The following CAB39L variants were observed in gnomAD, a reference collection of about 807,000 sequenced individuals.
CAB39L encodes the protein calcium-binding protein 39-like.
Under a neutral mutation model 39.1 loss-of-function variants are expected in CAB39L, and 23 were observed. The observed-to-expected ratio is 0.59, with a 90% CI of 0.42 to 0.83. The LOEUF (loss-of-function observed/expected upper bound fraction) is 0.83. Among genes scored for constraint, CAB39L ranks in the 40% least tolerant of loss-of-function variants. CAB39L has a pLI of 0.00. For synonymous variants in CAB39L, 126 were observed against 137.2 expected (o/e 0.92, Z 0.57); for missense variants, 366 against 391.9 (o/e 0.93, Z 0.56).
At chr13:49,436,254 C>G (rs1957411189) in intron 1 of CAB39L, among the ~76,000 whole-genome samples, 3 of 152,154 alleles carry the variant, frequency 2.0e-5, no homozygotes, top group Admixed American at 2.0e-4. Context: ...ACTGACCATT[C>G]TGGATCAATT....
chr13:49,312,419 C>A (rs4942814), intron 10 of CAB39L, among the ~76,000 whole-genome samples: 151,979 of 152,306 alleles, frequency 1, 75,826 homozygotes, highest in Middle Eastern at 1. Flanking sequence ...TTTATGCCAT[C>A]TTGTTACTGT....
chr13:49,350,401 A>G (rs186789035), intron 7 of CAB39L, among the ~76,000 whole-genome samples: 197 of 152,332 alleles, frequency 1.3e-3, no homozygotes, highest in African/African-American at 4.6e-3. Context: ...TATTCAGTGC[A>G]TATGTACCTT....
At chr13:49,431,933 A>C (rs1957331865) in intron 3 of CAB39L, among the ~76,000 whole-genome samples, 1 of 152,150 alleles carries the variant, frequency 6.6e-6, no homozygotes, top group South Asian at 2.1e-4. Context: ...TCATAAAGTG[A>C]CATACTACTT....
chr13:49,411,410 G>GA (rs760826107), intron 3 of CAB39L, among the ~76,000 whole-genome samples: 37,716 of 101,928 alleles, frequency 0.37, 6,392 homozygotes, highest in Middle Eastern at 0.54. Flanking sequence ...ACTCTCCTGA[G>GA]AAAAAAAAAA....
At chr13:49,424,145 C>T (rs1957212226) in intron 3 of CAB39L, among the ~76,000 whole-genome samples, 1 of 152,200 alleles carries the variant, frequency 6.6e-6, no homozygotes, top group African/African-American at 2.4e-5. Flanking sequence ...TAGATCGTGA[C>T]TTCTTTCCAG....
At chr13:49,432,235 G>GGTGTGA (rs1237290897) in intron 3 of CAB39L, among the ~76,000 whole-genome samples, 1 of 151,974 alleles carries the variant, frequency 6.6e-6, no homozygotes, top group Non-Finnish European at 1.5e-5. Context: ...GCTCACTGCA[G>GGTGTGA]CCTTGACCCC....
rs534308391 is a variant in CAB39L at position 49,420,810 on chromosome 13, T to C, written c.-32+12508A>G. ...GAATTACGAGAATTTGAAAGATAGC[T>C]GCATATAAGGTCAAGAATCAGTAAG... On this transcript the variant is annotated intron_variant, in intron 3 of 10. Transcript: ENST00000409308. Among the ~76,000 whole-genome samples the C allele has an allele frequency of 4.0e-3, 604 of 152,238 alleles. 4 individuals are homozygous for C. The highest frequency in any genetic ancestry group is 6.7e-3 in the Non-Finnish European group (455 of 68,008).
At chr13:49,363,483 A>G (rs1395620732) in intron 5 of CAB39L, among the ~76,000 whole-genome samples, 1 of 152,160 alleles carries the variant, frequency 6.6e-6, no homozygotes, top group Non-Finnish European at 1.5e-5. Context: ...AACCTCAAAT[A>G]TAAAAATACA....
intron 3 of CAB39L, among the ~76,000 whole-genome samples, chr13:49,402,325 GC>G: frequency 6.6e-6 from 1 of 152,268 alleles, no homozygotes; most frequent in Admixed American, 6.5e-5. Context: ...TAGGTAGAAA[GC>G]TGAGTGGGCT....
intron 1 of CAB39L, among the ~76,000 whole-genome samples, chr13:49,442,395 G>A (rs1321255017): frequency 6.6e-6 from 1 of 152,084 alleles, no homozygotes; most frequent in African/African-American, 2.4e-5. Flanking sequence ...CTTAGAAAAG[G>A]TCAAAAGGTA....
At chr13:49,336,917 CCA>C (rs1217099744) in intron 9 of CAB39L, among the ~76,000 whole-genome samples, 5 of 152,316 alleles carry the variant, frequency 3.3e-5, no homozygotes, top group Middle Eastern at 3.4e-3. Context: ...AAGGTCAGTT[CCA>C]CACACAGTTT....
chr13:49,368,983 C>T (rs1398996446), intron 5 of CAB39L, among the ~76,000 whole-genome samples: 1 of 151,948 alleles, frequency 6.6e-6, no homozygotes, highest in Admixed American at 6.6e-5. Flanking sequence ...ATAAAGAATT[C>T]TCAAAATTCA....
intron 4 of CAB39L, among the ~76,000 whole-genome samples, chr13:49,378,666 A>G (rs1956169261): frequency 1.9e-5 from 1 of 52,468 alleles, no homozygotes; most frequent in Non-Finnish European, 3.6e-5. Context: ...CCTACTGGGA[A>G]GTGAGGAGCC....
At chr13:49,391,425 G>T (rs1475280297) in intron 3 of CAB39L, among the ~76,000 whole-genome samples, 1 of 152,124 alleles carries the variant, frequency 6.6e-6, no homozygotes, top group Admixed American at 6.5e-5. Context: ...TCTAAGTAAA[G>T]GTTGATAATG....
At chr13:49,358,011 A>G (rs9535207) in intron 6 of CAB39L, among the ~76,000 whole-genome samples, 34,933 of 152,230 alleles carry the variant, frequency 0.23, 4,289 homozygotes, top group Middle Eastern at 0.29. Context: ...CAATGAACAA[A>G]GTGATCTTAG....
chr13:49,366,542 G>A (rs777770247), intron 5 of CAB39L, among the ~76,000 whole-genome samples: 14 of 147,132 alleles, frequency 9.5e-5, no homozygotes, highest in South Asian at 2.1e-4. Flanking sequence ...CAGGGGAATC[G>A]CTTCAACCCA....
intron 3 of CAB39L, among the ~76,000 whole-genome samples, chr13:49,390,609 A>G (rs541562534): frequency 2.0e-5 from 3 of 152,244 alleles, no homozygotes; most frequent in Non-Finnish European, 4.4e-5. Context: ...TTATATTTAT[A>G]TAACCAAAAG....
intron 10 of CAB39L, among the ~76,000 whole-genome samples, chr13:49,329,359 A>T (rs940660688): frequency 5.9e-5 from 9 of 151,704 alleles, no homozygotes; most frequent in African/African-American, 1.9e-4. Context: ...ACTGAATAAA[A>T]TTTATAAATT....
At position 49,313,976 on chromosome 13, in the gene CAB39L, C is replaced by A. The variant is rs1342923591; in HGVS notation, c.835-2983G>T. Among the ~76,000 whole-genome samples, 3 of 152,180 alleles carry A rather than the reference C, an allele frequency of 2.0e-5. No individual in the cohort carries two copies. In the South Asian group the frequency reaches 6.2e-4, roughly 31 times the overall value. On this transcript the variant is annotated intron_variant, in intron 10 of 10. Coordinates refer to ENST00000409308, the MANE Select transcript of CAB39L (RefSeq NM_001079670.3). ...TGTGGAGAATACAAGACTGCAGAGG[C>A]TCCCATCCCAGGAGGTGGCGATGAC...
Sources: allele counts gnomAD v4.1 joint callset (sites outside exome capture counted in the v4.1 genomes callset), GRCh38; gene constraint gnomAD v4.1.1; transcripts MANE v1.5; gene names NCBI Gene and HGNC (gene_info 2026-07-23, HGNC 2026-07-21).